Variants in TMC2 observed in about 807,000 individuals in gnomAD.
TMC2 encodes transmembrane channel-like protein 2.
In TMC2, 102 loss-of-function variants were observed where a neutral mutation model predicts 105.9. That is an observed-to-expected ratio of 0.96 (90% CI 0.82 to 1.14). The LOEUF is 1.14. Among genes scored for constraint, TMC2 ranks in the 50% most tolerant of loss-of-function variants. The probability of loss-of-function intolerance (pLI) is 0.00; values close to 1 mark genes in which losing one functional copy is unlikely to be tolerated. For missense variants in TMC2, 1,093 were observed against 1,134.3 expected (o/e 0.96, Z 0.52); for synonymous variants, 402 against 422.8 (o/e 0.95, Z 0.60).
Position 2,592,383 on chromosome 20 carries a change from A to G in TMC2, c.908A>G (p.Asp303Gly). ...CGGGCTGAGGAAGAAAAGGCCATGG[A>G]TTTTTCTGTCCTTTGGGATTTTGAG... ...VPRAEEEKAMDFSVLWDFEGY... is the reference protein window; with the variant it reads ...VPRAEEEKAMGFSVLWDFEGY... The change falls in exon 8 of 20, where the codon GAT becomes GGT. Residue 303 changes from aspartate (D) to glycine (G), a missense_variant. Coordinates refer to ENST00000358864, the MANE Select transcript of TMC2 (RefSeq NM_080751.3). The surrounding 1 kb of genome is among the most constrained non-coding windows in gnomAD (Gnocchi z 4.9). 1 of 1,613,602 alleles carries G rather than the reference A, an allele frequency of 6.2e-7. No homozygotes were observed. The highest frequency in any genetic ancestry group is 8.5e-7 in the Non-Finnish European group (1 of 1,179,644).
intron 4 of TMC2, among the ~76,000 whole-genome samples, chr20:2,571,663 A>G (rs2086103765): frequency 6.6e-6 from 1 of 152,174 alleles, no homozygotes; most frequent in African/African-American, 2.4e-5. Flanking sequence ...ATTTTATTAC[A>G]CTGGGGCCAT....
intron 10 of TMC2, among the ~76,000 whole-genome samples, chr20:2,601,732 C>T (rs954458227): frequency 2.6e-5 from 4 of 151,676 alleles, no homozygotes; most frequent in Non-Finnish European, 5.9e-5. Flanking sequence ...CCCAGCTACT[C>T]GGGAGGCTGA....
chr20:2,596,263 A>G, intron 9 of TMC2, among the ~76,000 whole-genome samples: 1 of 152,182 alleles, frequency 6.6e-6, no homozygotes, highest in East Asian at 1.9e-4. Context: ...GCTTTCAGCC[A>G]AACTTGATTA....
At chr20:2,623,003 G>C (rs768341415) in intron 16 of TMC2, among the ~76,000 whole-genome samples, 1 of 151,916 alleles carries the variant, frequency 6.6e-6, no homozygotes, top group Non-Finnish European at 1.5e-5. Flanking sequence ...TTGCCCAAAG[G>C]TATTGAACTT....
At chr20:2,572,370 G>C in intron 5 of TMC2, 101 bp downstream of exon 5, 1 of 866,890 alleles carries the variant, frequency 1.2e-6, no homozygotes, top group South Asian at 1.5e-5. Context: ...TTTGTGTCCA[G>C]CTGCCCCCAG....
At chr20:2,554,583 T>C (rs370536838) in intron 2 of TMC2, among the ~76,000 whole-genome samples, 1 of 152,358 alleles carries the variant, frequency 6.6e-6, no homozygotes, top group East Asian at 1.9e-4. Flanking sequence ...ATGCTATGAG[T>C]TTCTTTCTAA....
At chr20:2,594,671 G>A (rs2086292518) in intron 8 of TMC2, among the ~76,000 whole-genome samples, 154 bp from the exon 9 acceptor site, 1 of 152,200 alleles carries the variant, frequency 6.6e-6, no homozygotes, top group African/African-American at 2.4e-5. Context: ...CACTGGAGGA[G>A]GTGAAGGGAA....
intron 1 of TMC2, 26 bp downstream of exon 1, chr20:2,536,681 G>T (rs1265392128): frequency 6.4e-7 from 1 of 1,565,580 alleles, no homozygotes; most frequent in Non-Finnish European, 8.7e-7. Context: ...GATCCTGCGG[G>T]GCCCGCCCAC....
chr20:2,615,270 G>A (rs1361523258), intron 14 of TMC2, among the ~76,000 whole-genome samples: 1 of 152,220 alleles, frequency 6.6e-6, no homozygotes. Context: ...GCAGTGAGCT[G>A]AGATTGTGCC....
At chr20:2,569,753 A>T (rs2086089634) in intron 4 of TMC2, among the ~76,000 whole-genome samples, 1 of 152,158 alleles carries the variant, frequency 6.6e-6, no homozygotes, top group Non-Finnish European at 1.5e-5. Context: ...GTCTCATCAC[A>T]CCAAAATTAT....
chr20:2,611,378 C>T (rs191029742), intron 12 of TMC2, among the ~76,000 whole-genome samples: 3 of 152,312 alleles, frequency 2.0e-5, no homozygotes, highest in African/African-American at 4.8e-5. Flanking sequence ...CTGGCCCTAA[C>T]CTCTCCTCCC....
At position 2,643,323 on chromosome 20, in the gene TMC2, C is replaced by T. The variant is rs2086700790; in HGVS notation, c.*1972C>T. Among the ~76,000 whole-genome samples, 2 of 152,308 alleles carry T rather than the reference C, an allele frequency of 1.3e-5. No homozygotes were observed. Among genetic ancestry groups the T allele is most frequent in the African/African-American group, 2.4e-5 (1 of 41,562 alleles). On this transcript the variant is annotated 3_prime_UTR_variant, in exon 20 of 20. Coordinates refer to ENST00000358864, the MANE Select transcript of TMC2 (RefSeq NM_080751.3). ...CCAAAGATGGCCACCACACCAACACCTGGCCTTCTGCATCAGAATGCCAGG... is the reference window on the plus strand; with the variant it reads ...CCAAAGATGGCCACCACACCAACACTTGGCCTTCTGCATCAGAATGCCAGG...
At chr20:2,627,932 C>T (rs1159157591) in intron 17 of TMC2, among the ~76,000 whole-genome samples, 1 of 152,116 alleles carries the variant, frequency 6.6e-6, no homozygotes, top group Non-Finnish European at 1.5e-5. Flanking sequence ...CTTTGGGAGG[C>T]CGAGGTGGGC....
chr20:2,549,817 A>G (rs1468651799), intron 2 of TMC2, among the ~76,000 whole-genome samples: 1 of 152,164 alleles, frequency 6.6e-6, no homozygotes, highest in South Asian at 2.1e-4. Context: ...TCATTCAGCA[A>G]TCATTTCATT....
Position 2,641,311 on chromosome 20 carries a change from G to C in TMC2, c.2681G>C (p.Arg894Thr), listed in dbSNP as rs1600147440. 2 of 1,613,986 alleles carry C rather than the reference G, an allele frequency of 1.2e-6. No homozygotes were observed. Among genetic ancestry groups the C allele is most frequent in the African/African-American group, 2.7e-5 (2 of 74,922 alleles). ...GCCCCATCTCAGACTCATCCGTGGA[G>C]GTCAGCCTCTGGAAAGAGTGCTCAG... is the stretch of plus-strand genomic sequence containing the variant. ...GHAPSQTHPW[R>T]SASGKSAQRP... Residue 894 changes from arginine to threonine, a missense_variant, in exon 20 of 20, where the codon AGG becomes ACG. Physicochemically the swap from Arg to Thr is moderately conservative, Grantham distance 71. Transcript: ENST00000358864.
intron 2 of TMC2, among the ~76,000 whole-genome samples, chr20:2,554,531 G>T (rs2122817651): frequency 6.6e-6 from 1 of 152,236 alleles, no homozygotes; most frequent in South Asian, 2.1e-4. Context: ...GTAGAAGCTT[G>T]GCTTATTGAT....
chr20:2,555,592 C>A (rs2085980797), intron 2 of TMC2, among the ~76,000 whole-genome samples: 1 of 152,306 alleles, frequency 6.6e-6, no homozygotes, highest in Admixed American at 6.5e-5. Flanking sequence ...CATTCTCTGA[C>A]AATCCCTTTC....
At chr20:2,598,774 G>A (rs1325105631) in intron 10 of TMC2, among the ~76,000 whole-genome samples, 1 of 152,004 alleles carries the variant, frequency 6.6e-6, no homozygotes, top group Non-Finnish European at 1.5e-5. Flanking sequence ...AAGTGCTGCT[G>A]ACAAAGTTTC....
intron 7 of TMC2, among the ~76,000 whole-genome samples, chr20:2,591,482 A>T (rs2146209826): frequency 6.6e-6 from 1 of 152,280 alleles, no homozygotes; most frequent in East Asian, 1.9e-4. Context: ...AGGTAGTAGG[A>T]TCACTTGAGC....
Sources: gnomAD v4.1 joint callset for allele counts (sites outside exome capture counted in the v4.1 genomes callset) on GRCh38, gnomAD v4.1.1 for gene constraint, Gnocchi (gnomAD v3.1) non-coding constraint, MANE v1.5 for transcripts, NCBI Gene and HGNC (gene_info 2026-07-23, HGNC 2026-07-21) for gene names.